Variants in WASF3 observed in about 807,000 individuals in gnomAD.
WASF3 encodes the protein WASP family member 3, also known as actin-binding protein WASF3.
A neutral mutation model predicts 46.6 loss-of-function variants in WASF3; 11 were observed. That is an observed-to-expected ratio of 0.24 (90% CI 0.15 to 0.39). The LOEUF is 0.39. Among genes scored for constraint, WASF3 ranks in the 10% least tolerant of loss-of-function variants. The pLI is 1.00. For missense variants in WASF3, 576 were observed against 669.8 expected, an observed-to-expected ratio of 0.86 and a Z score of 1.55; for synonymous variants, 242 against 259.7, an observed-to-expected ratio of 0.93 and a Z score of 0.65.
intron 1 of WASF3, among the ~76,000 whole-genome samples, chr13:26,559,163 C>G (rs1430474016): frequency 6.6e-6 from 1 of 152,200 alleles, no homozygotes; most frequent in African/African-American, 2.4e-5. Flanking sequence ...CTCCAGCTCC[C>G]TTCTCCCAGG....
chr13:26,548,656 T>A, the WASF3 span, among the ~76,000 whole-genome samples: 1 of 152,204 alleles, frequency 6.6e-6, no homozygotes, highest in Non-Finnish European at 1.5e-5. Flanking sequence ...GTCTATGCAA[T>A]CACGCCAGAA....
chr13:26,621,856 C>G (rs896229140), intron 2 of WASF3, among the ~76,000 whole-genome samples: 2 of 152,020 alleles, frequency 1.3e-5, no homozygotes, highest in African/African-American at 4.8e-5. Context: ...TGTCAGTAGG[C>G]ACTTAACTCC....
chr13:26,610,477 G>A (rs1325760527), intron 1 of WASF3, among the ~76,000 whole-genome samples: 2 of 152,206 alleles, frequency 1.3e-5, no homozygotes, highest in African/African-American at 2.4e-5. Flanking sequence ...GGCAGGCACA[G>A]TGACTGACAC....
In WASF3 at chr13:26,682,704, A is replaced by T. The variant is rs772351726; in HGVS notation, c.1081A>T (p.Ser361Cys). Reference sequence around the variant, plus strand: ...TCCCTCAGCACAAACTGCCTTCGTCAGCCCTCTCCAGATGCCCATGCAGCC... The same window carrying T: ...TCCCTCAGCACAAACTGCCTTCGTCTGCCCTCTCCAGATGCCCATGCAGCC... ...VIPSAQTAFVSPLQMPMQPPF... is the reference protein window; with the variant it reads ...VIPSAQTAFVCPLQMPMQPPF... Residue 361 changes from serine (S) to cysteine (C), a missense_variant, in exon 9 of 10, where the codon AGC (serine) becomes TGC (cysteine). This residue lies in a region of WASF3 where 295 missense variants were observed against 291.5 expected (regional missense o/e 1.01). Coordinates refer to ENST00000335327, the MANE Select transcript of WASF3 (RefSeq NM_006646.6). The surrounding 1 kb of genome is among the most constrained non-coding windows in gnomAD (Gnocchi z 4.4). The T allele has an allele frequency of 2.5e-6, 4 of 1,613,894 alleles. No individual in the cohort carries two copies. The African/African-American group carries it at 5.3e-5, about 22-fold the overall frequency.
Position 26,616,588 on chromosome 13 carries a change from A to C in WASF3, c.-11+3530A>C, listed in dbSNP as rs1219599791. 2.0e-5 allele frequency among the ~76,000 whole-genome samples: 3 copies of C among 152,234 alleles called. No individual in the cohort carries two copies. In the East Asian group the frequency reaches 5.8e-4, roughly 29 times the overall value. On this transcript the variant is annotated intron_variant, in intron 2 of 9. Transcript: ENST00000335327. ...CCCCAGAATGAAATTTTTGGGAGCCAATATGGGATTATTTTTTGGTTTTAT... is the reference window on the plus strand; with the variant it reads ...CCCCAGAATGAAATTTTTGGGAGCCCATATGGGATTATTTTTTGGTTTTAT...
chr13:26,546,582 G>C, the WASF3 span, among the ~76,000 whole-genome samples: 338 of 152,100 alleles, frequency 2.2e-3, 3 homozygotes, highest in African/African-American at 7.7e-3. Flanking sequence ...TGGGGTGGCG[G>C]GTGCCTATAA....
intron 1 of WASF3, among the ~76,000 whole-genome samples, chr13:26,586,742 C>T (rs938133168): frequency 1.3e-5 from 2 of 151,992 alleles, no homozygotes; most frequent in African/African-American, 2.4e-5. Flanking sequence ...GGTTTTAGAC[C>T]TTATTCTGAC....
chr13:26,595,256 TCAG>T (rs1880426118), intron 1 of WASF3, among the ~76,000 whole-genome samples: 1 of 152,248 alleles, frequency 6.6e-6, no homozygotes, highest in African/African-American at 2.4e-5. Flanking sequence ...CTGAAGAACT[TCAG>T]CATCTTTTTA....
intron 3 of WASF3, among the ~76,000 whole-genome samples, chr13:26,643,096 G>T (rs1260303588): frequency 6.6e-6 from 1 of 152,138 alleles, no homozygotes; most frequent in Admixed American, 6.5e-5. Context: ...TATTTTATAA[G>T]ACTCAAATAT....
chr13:26,611,159 A>T (rs1186705381), intron 1 of WASF3, among the ~76,000 whole-genome samples: 1 of 150,646 alleles, frequency 6.6e-6, no homozygotes. Flanking sequence ...TGTGAGCCAC[A>T]CCGTGCCTGG....
At chr13:26,560,925 G>A (rs1245970106) in intron 1 of WASF3, among the ~76,000 whole-genome samples, 4 of 152,190 alleles carry the variant, frequency 2.6e-5, no homozygotes, top group African/African-American at 4.8e-5. Flanking sequence ...GCTTAGGGAC[G>A]TTCAGAGAGA....
the WASF3 span, among the ~76,000 whole-genome samples, chr13:26,546,981 C>T: frequency 6.6e-6 from 1 of 152,156 alleles, no homozygotes; most frequent in Admixed American, 6.5e-5. Context: ...TGTCTGAAGC[C>T]TCCTATCTGC....
chr13:26,668,994 A>G (rs920611577), intron 5 of WASF3, among the ~76,000 whole-genome samples: 5 of 152,130 alleles, frequency 3.3e-5, no homozygotes, highest in Non-Finnish European at 5.9e-5. Context: ...AAAACTTTCT[A>G]CCTGCCGTTG....
the WASF3 span, among the ~76,000 whole-genome samples, chr13:26,541,649 T>C: frequency 2.4e-4 from 36 of 151,934 alleles, no homozygotes; most frequent in African/African-American, 8.7e-4. Context: ...AGCCCACTTT[T>C]TTTTTTCTTT....
intron 1 of WASF3, among the ~76,000 whole-genome samples, chr13:26,591,510 C>T (rs1880293062): frequency 6.6e-6 from 1 of 152,084 alleles, no homozygotes; most frequent in East Asian, 1.9e-4. Flanking sequence ...ATTAAGGATG[C>T]CCAGGGTTTT....
chr13:26,655,466 T>G (rs1388115087), intron 3 of WASF3, among the ~76,000 whole-genome samples: 1 of 152,174 alleles, frequency 6.6e-6, no homozygotes, highest in Non-Finnish European at 1.5e-5. Context: ...ACCCCAAGTT[T>G]CTGTAATGCA....
intron 1 of WASF3, among the ~76,000 whole-genome samples, chr13:26,600,290 T>A (rs619704): frequency 0.014 from 2,076 of 152,288 alleles, 53 homozygotes; most frequent in African/African-American, 0.047. Context: ...AAAAAAGGTT[T>A]TCTAGGTTTG....
At chr13:26,579,241 G>A (rs1196317848) in intron 1 of WASF3, among the ~76,000 whole-genome samples, 2 of 151,580 alleles carry the variant, frequency 1.3e-5, no homozygotes, top group African/African-American at 4.9e-5. Context: ...GCTTCAAGTG[G>A]TCCTCTTGCC....
intron 3 of WASF3, among the ~76,000 whole-genome samples, chr13:26,646,278 G>C (rs1882147850): frequency 6.6e-6 from 1 of 152,180 alleles, no homozygotes; most frequent in Non-Finnish European, 1.5e-5. Context: ...GGAAGAATAA[G>C]AGAATGTAAA....
Sources: gnomAD v4.1 joint callset for allele counts (sites outside exome capture counted in the v4.1 genomes callset) on GRCh38, gnomAD v4.1.1 for gene constraint, gnomAD v4.1.1 regional missense constraint, Gnocchi (gnomAD v3.1) non-coding constraint, MANE v1.5 for transcripts, NCBI Gene and HGNC (gene_info 2026-07-23, HGNC 2026-07-21) for gene names.